DAB1: variants seen among roughly 807,000 people sequenced by gnomAD.
DAB1 encodes disabled homolog 1.
In DAB1, 15 loss-of-function variants were observed where a neutral mutation model predicts 64.6. The ratio of observed to expected loss-of-function variants is 0.23; its 90% CI spans 0.16 to 0.36. The LOEUF (loss-of-function observed/expected upper bound fraction) is 0.36, where lower values mean the gene tolerates loss of function less well. Ranked by LOEUF, DAB1 falls within the 10% of genes least tolerant of loss-of-function variation. DAB1 has a pLI of 1.00. For missense variants in DAB1, 596 were observed against 706.7 expected (o/e 0.84, Z 1.78); for synonymous variants, 235 against 251.9 (o/e 0.93, Z 0.64).
At chr1:58,331,278 G>A (rs1662962465) in intron 4 of DAB1, among the ~76,000 whole-genome samples, 1 of 152,156 alleles carries the variant, frequency 6.6e-6, no homozygotes, top group Admixed American at 6.5e-5. Context: ...CTGAATTGTT[G>A]CAATCTCATG....
chr1:57,955,408 T>A (rs1645368704), intron 5 of DAB1, among the ~76,000 whole-genome samples: 1 of 152,208 alleles, frequency 6.6e-6, no homozygotes, highest in Admixed American at 6.5e-5. Flanking sequence ...TTGTCCTTTC[T>A]ACTGTCAGTC....
At chr1:57,103,259 C>T (rs904476771) in intron 4 of DAB1, among the ~76,000 whole-genome samples, 1 of 152,040 alleles carries the variant, frequency 6.6e-6, no homozygotes, top group Non-Finnish European at 1.5e-5. Flanking sequence ...AGGGGGCAGA[C>T]AGGAAGATCC....
chr1:57,684,166 A>G (rs1377541551), intron 6 of DAB1, among the ~76,000 whole-genome samples: 1 of 152,164 alleles, frequency 6.6e-6, no homozygotes, highest in Non-Finnish European at 1.5e-5. Flanking sequence ...GAGAGAAAAG[A>G]AAAGAAAGTA....
chr1:57,401,732 C>T lies in DAB1; in HGVS notation c.-137+22198G>A, dbSNP rs547617677. On this transcript the variant is annotated intron_variant, in intron 1 of 14. Coordinates refer to ENST00000371236, the MANE Select transcript of DAB1 (RefSeq NM_001365792.1). ...GCAGTTCAAGGACACACAGATTTTCCGACAGACCTGAGATTAGAACCCATA... is the reference window on the plus strand; with the variant it reads ...GCAGTTCAAGGACACACAGATTTTCTGACAGACCTGAGATTAGAACCCATA... Among the ~76,000 whole-genome samples, 28 of 152,240 alleles carry T rather than the reference C, an allele frequency of 1.8e-4. No individual in the cohort carries two copies. The South Asian group carries it at 2.5e-3, about 14-fold the overall frequency.
chr1:58,193,403 T>G (rs1160514193), intron 4 of DAB1, among the ~76,000 whole-genome samples: 1 of 152,212 alleles, frequency 6.6e-6, no homozygotes, highest in Non-Finnish European at 1.5e-5. Context: ...AAACCTCTTT[T>G]CTTTATAAAT....
At chr1:57,183,858 G>A (rs1379078633) in intron 2 of DAB1, among the ~76,000 whole-genome samples, 5 of 152,142 alleles carry the variant, frequency 3.3e-5, no homozygotes, top group African/African-American at 1.2e-4. Context: ...TAAGGGCTGG[G>A]TGAATGAAGA....
chr1:57,984,416 G>A (rs138372685), intron 5 of DAB1, among the ~76,000 whole-genome samples: 1 of 152,238 alleles, frequency 6.6e-6, no homozygotes, highest in Non-Finnish European at 1.5e-5. Flanking sequence ...GAGCTATTGG[G>A]GGAGAGGAGG....
At chr1:58,084,207 A>G (rs912517630) in intron 5 of DAB1, among the ~76,000 whole-genome samples, 2 of 152,158 alleles carry the variant, frequency 1.3e-5, no homozygotes, top group African/African-American at 4.8e-5. Flanking sequence ...CATTGCTGTG[A>G]GGATCAAATG....
At chr1:58,257,353 G>A (rs1358413047) in intron 4 of DAB1, among the ~76,000 whole-genome samples, 1 of 152,222 alleles carries the variant, frequency 6.6e-6, no homozygotes, top group Non-Finnish European at 1.5e-5. Context: ...AAGGTCCCCA[G>A]ATGAAGACAT....
At chr1:57,670,725 T>C (rs1285763990) in intron 6 of DAB1, among the ~76,000 whole-genome samples, 1 of 152,126 alleles carries the variant, frequency 6.6e-6, no homozygotes, top group African/African-American at 2.4e-5. Context: ...AGAATGGTGC[T>C]AGCCATTGAA....
At chr1:58,480,872 T>A in intron 3 of DAB1, 1 of 696,494 alleles carries the variant, frequency 1.4e-6, no homozygotes, top group Non-Finnish European at 2.4e-6. Context: ...ATATCCTTTT[T>A]TTTTTCACTT....
chr1:57,578,194 G>A (rs554968779), intron 7 of DAB1, among the ~76,000 whole-genome samples: 1 of 152,344 alleles, frequency 6.6e-6, no homozygotes, highest in Non-Finnish European at 1.5e-5. Context: ...GCAGGGAGCT[G>A]TGCTGAGGGA....
intron 1 of DAB1, among the ~76,000 whole-genome samples, chr1:57,413,512 C>T (rs184691219): frequency 1.5e-4 from 23 of 152,050 alleles, no homozygotes; most frequent in African/African-American, 3.6e-4. Context: ...GAGGCGGAAG[C>T]GGGTGGATCA....
chr1:57,912,911 G>C (rs1202805), intron 5 of DAB1, among the ~76,000 whole-genome samples: 96,945 of 151,870 alleles, frequency 0.64, 31,304 homozygotes, highest in African/African-American at 0.74. Flanking sequence ...TCTTCAAGGA[G>C]AACTACAAAC....
intron 4 of DAB1, among the ~76,000 whole-genome samples, chr1:58,178,327 C>T (rs146005083): frequency 1.3e-5 from 2 of 152,220 alleles, no homozygotes; most frequent in East Asian, 3.9e-4. Flanking sequence ...CACATGCATG[C>T]ATACATGCAC....
intron 6 of DAB1, among the ~76,000 whole-genome samples, chr1:57,807,896 C>T (rs1046031680): frequency 1.3e-5 from 2 of 151,956 alleles, no homozygotes; most frequent in African/African-American, 4.8e-5. Flanking sequence ...TTTTCTCTTC[C>T]TTATGATTTT....
intron 2 of DAB1, among the ~76,000 whole-genome samples, chr1:57,190,749 C>T (rs1328628127): frequency 6.6e-6 from 1 of 152,140 alleles, no homozygotes; most frequent in Non-Finnish European, 1.5e-5. Context: ...ATCCCAAAGG[C>T]AGTACCAAGA....
chr1:57,718,407 G>A (rs1269998822), intron 6 of DAB1, among the ~76,000 whole-genome samples: 1 of 152,128 alleles, frequency 6.6e-6, no homozygotes, highest in African/African-American at 2.4e-5. Flanking sequence ...GAATACAGAA[G>A]CAAGAAGAAT....
intron 4 of DAB1, among the ~76,000 whole-genome samples, chr1:57,101,923 T>C (rs76102033): frequency 0.022 from 3,386 of 152,282 alleles, 144 homozygotes; most frequent in African/African-American, 0.078. Flanking sequence ...GAGAAGTTAA[T>C]TACCTACCTA....
Sources: gnomAD v4.1 joint callset for allele counts (sites outside exome capture counted in the v4.1 genomes callset) on GRCh38, gnomAD v4.1.1 for gene constraint, MANE v1.5 for transcripts, NCBI Gene and HGNC (gene_info 2026-07-23, HGNC 2026-07-21) for gene names.